GATA3: variants seen among roughly 807,000 people sequenced by gnomAD.
GATA3 encodes the protein GATA binding protein 3.
GATA3 carries 6 observed loss-of-function variants against 36.0 expected under a neutral mutation model. The observed-to-expected ratio is 0.17, with a 90% CI of 0.09 to 0.33. GATA3 has a LOEUF of 0.33. GATA3 is among the 10% of genes least tolerant of loss of function. The probability of loss-of-function intolerance (pLI) is 1.00; values close to 1 mark genes in which losing one functional copy is unlikely to be tolerated. For missense variants in GATA3, 514 were observed against 610.1 expected, an observed-to-expected ratio of 0.84 and a Z score of 1.66; for synonymous variants, 326 against 273.0, an observed-to-expected ratio of 1.19 and a Z score of -1.92.
intron 4 of GATA3, among the ~76,000 whole-genome samples, chr10:8,064,763 C>T (rs573097207): frequency 6.6e-6 from 1 of 152,276 alleles, no homozygotes; most frequent in South Asian, 2.1e-4. Context: ...ACAGGCAATT[C>T]CTATGGGAAA....
At chr10:8,063,121 C>T (rs1832777179) in intron 3 of GATA3, among the ~76,000 whole-genome samples, 1 of 152,186 alleles carries the variant, frequency 6.6e-6, no homozygotes, top group Non-Finnish European at 1.5e-5. Flanking sequence ...AAACTGTAGG[C>T]AGGCCTTGGT....
chr10:8,054,413 C>T (rs1252506345), upstream of GATA3, among the ~76,000 whole-genome samples: 2 of 152,204 alleles, frequency 1.3e-5, no homozygotes, highest in African/African-American at 2.4e-5. This position sits in a 1 kb window ranked among gnomAD's most constrained non-coding sequence, Gnocchi z 4.2. Context: ...AGCGCGCGTT[C>T]CCTCCCGTCC....
chr10:8,068,527 G>A (rs1270226563), intron 4 of GATA3, among the ~76,000 whole-genome samples: 1 of 152,156 alleles, frequency 6.6e-6, no homozygotes, highest in Non-Finnish European at 1.5e-5. Flanking sequence ...CGAGGCAGGT[G>A]GATCACTTGA....
Position 8,064,148 on chromosome 10 carries a change from C to CGGGAA in GATA3, c.924+15_924+19dup, listed in dbSNP as rs760075341. The CGGGAA allele has an allele frequency of 2.7e-5, 43 of 1,614,030 alleles. No homozygotes were observed. Among genetic ancestry groups the CGGGAA allele is most frequent in the Non-Finnish European group, 3.4e-5 (40 of 1,180,014 alleles). On this transcript the variant is annotated intron_variant, in intron 4 of 5. Coordinates refer to ENST00000379328, the MANE Select transcript of GATA3 (RefSeq NM_001002295.2). ...GCCCAAGCGAAGGCTGGTAAGTTCT[C>CGGGAA]GGGAAGGGATGGATTCCATGCTGAC...
intron 3 of GATA3, among the ~76,000 whole-genome samples, chr10:8,062,857 G>T (rs541584262): frequency 1.3e-5 from 2 of 152,280 alleles, no homozygotes; most frequent in Admixed American, 1.3e-4. Context: ...CTAGAGACCC[G>T]TGTGTCCCTG....
In GATA3 at chr10:8,074,045, G is replaced by A. The variant is rs199951165; in HGVS notation, c.*22G>A. ...TTAGAGCCCTGCTCGATGCTCACAG[G>A]GCCCCCAGCGAGAGTCCCTGCAGTC... On this transcript the variant is annotated 3_prime_UTR_variant, in exon 6 of 6. Transcript: ENST00000379328. 229 of 1,612,994 alleles carry A rather than the reference G, an allele frequency of 1.4e-4. No homozygotes were observed. Among genetic ancestry groups the A allele is most frequent in the Non-Finnish European group, 2.7e-5 (32 of 1,179,504 alleles).
intron 2 of GATA3, among the ~76,000 whole-genome samples, chr10:8,057,761 A>G (rs929814003): frequency 1.3e-5 from 2 of 151,974 alleles, no homozygotes; most frequent in Non-Finnish European, 2.9e-5. Context: ...TCCTTCCTGT[A>G]TTTGGTGCTG....
intron 3 of GATA3, among the ~76,000 whole-genome samples, chr10:8,061,795 G>T (rs947688184): frequency 1.3e-5 from 2 of 152,218 alleles, no homozygotes; most frequent in Admixed American, 6.5e-5. Flanking sequence ...GACTGATCAT[G>T]TCAGGCTGGG....
At position 8,073,832 on chromosome 10, in the gene GATA3, T is replaced by C. The variant is rs1261112271; in HGVS notation, c.1144T>C (p.Ser382Pro). Residue 382 changes from serine (S) to proline (P), a missense_variant, in exon 6 of 6, where the codon TCA becomes CCA. Transcript: ENST00000379328. ...CAAAAAGTGCAAAAAAGTGCATGAC[T>C]CACTGGAGGACTTCCCCAAGAACAG... is the stretch of plus-strand genomic sequence containing the variant. Reference protein sequence around the residue: ...KSKKCKKVHDSLEDFPKNSSF... With the variant: ...KSKKCKKVHDPLEDFPKNSSF... The C allele has an allele frequency of 6.2e-7, 1 of 1,613,954 alleles. No homozygotes were observed.
At chr10:8,053,978 G>A (rs538040132), upstream of GATA3, among the ~76,000 whole-genome samples, 2 of 152,236 alleles carry the variant, frequency 1.3e-5, no homozygotes, top group East Asian at 3.9e-4. The surrounding 1 kb of genome is among the most constrained non-coding windows in gnomAD (Gnocchi z 5.1). Flanking sequence ...TCTGGAAAGG[G>A]CAGCTGCAAC....
intron 3 of GATA3, 141 bp from the exon 4 acceptor site, chr10:8,063,852 G>T: frequency 9.0e-7 from 1 of 1,113,100 alleles, no homozygotes; most frequent in Non-Finnish European, 1.3e-6. Context: ...TTGGAAAGAG[G>T]TGGGGGTGGA....
At chr10:8,049,637 G>A (rs963668734), upstream of GATA3, among the ~76,000 whole-genome samples, 4 of 152,164 alleles carry the variant, frequency 2.6e-5, no homozygotes, top group Admixed American at 1.3e-4. Context: ...CCGCCCGGCA[G>A]CCGGCGAGCT....
upstream of GATA3, chr10:8,050,663 G>A (rs984316875): frequency 4.5e-6 from 1 of 220,080 alleles, no homozygotes; most frequent in African/African-American, 2.4e-5. Context: ...CAGGCGCCGG[G>A]GCTCCGGGGC....
At chr10:8,051,729 C>T (rs1285821853), upstream of GATA3, 1 of 152,310 alleles carries the variant, frequency 6.6e-6, no homozygotes, top group Admixed American at 6.5e-5. Context: ...GACCACCTTT[C>T]CCCCTTACCC....
At chr10:8,050,068 C>T (rs1232173521), upstream of GATA3, among the ~76,000 whole-genome samples, 3 of 152,198 alleles carry the variant, frequency 2.0e-5, no homozygotes, top group Non-Finnish European at 2.9e-5. Context: ...TCATCTTGCC[C>T]CAGTCGCCCT....
Position 8,058,449 on chromosome 10 carries a change from C to T in GATA3, c.386C>T (p.Pro129Leu), listed in dbSNP as rs2131488931. 5 of 1,612,936 alleles carry T rather than the reference C, an allele frequency of 3.1e-6. No homozygotes were observed. The highest frequency in any genetic ancestry group is 3.4e-6 in the Non-Finnish European group (4 of 1,179,912). ...TCCATCCACCACGGCTCCCCGGGGC[C>T]CCTCTCCGTCTACCCCCCGGCCTCG... ...KTSIHHGSPG[P>L]LSVYPPASSS... The change falls in exon 3 of 6, where the codon CCC becomes CTC. Residue 129 changes from proline to leucine, a missense_variant. Physicochemically the swap from Pro to Leu is moderately conservative, Grantham distance 98. This residue lies in a region of GATA3 where 381 missense variants were observed against 354.3 expected (regional missense o/e 1.08). Coordinates refer to ENST00000379328, the MANE Select transcript of GATA3 (RefSeq NM_001002295.2).
upstream of GATA3, among the ~76,000 whole-genome samples, chr10:8,048,974 A>T (rs899050865): frequency 2.0e-5 from 3 of 151,036 alleles, no homozygotes; most frequent in African/African-American, 7.3e-5. Flanking sequence ...GGGCGGGGGG[A>T]ATCTCCCAGC....
chr10:8,058,829 C>A lies in GATA3; in HGVS notation c.766C>A (p.Arg256=), dbSNP rs758290866. 20 of 1,603,838 alleles carry A rather than the reference C, an allele frequency of 1.2e-5. No individual in the cohort carries two copies. Among genetic ancestry groups the A allele is most frequent in the South Asian group, 4.4e-5 (4 of 91,084 alleles). The change falls in exon 3 of 6, where the codon CGG becomes AGG. Residue 256 remains arginine, a synonymous_variant. Transcript: ENST00000379328. ...CGGATGCAAGTCCAGGCCCAAGGCCCGGTCCAGCACAGGTAGGAGCCAGCT... is the reference window on the plus strand; with the variant it reads ...CGGATGCAAGTCCAGGCCCAAGGCCAGGTCCAGCACAGGTAGGAGCCAGCT... ...GFGCKSRPKA[R]SSTEGRECVN...
chr10:8,070,371 A>AT (rs11567930), intron 5 of GATA3, among the ~76,000 whole-genome samples: 2 of 149,012 alleles, frequency 1.3e-5, no homozygotes, highest in Non-Finnish European at 3.0e-5. Context: ...ATCTTAAAAA[A>AT]TTTTTTTTTC....
Sources: allele counts gnomAD v4.1 joint callset (sites outside exome capture counted in the v4.1 genomes callset), GRCh38; gene constraint gnomAD v4.1.1; regional missense constraint gnomAD v4.1.1; non-coding constraint Gnocchi (gnomAD v3.1); transcripts MANE v1.5; gene names NCBI Gene and HGNC (gene_info 2026-07-23, HGNC 2026-07-21).